Variants in ADGRG7 observed in about 807,000 individuals in gnomAD.
The protein encoded by ADGRG7 is G-protein coupled receptor 128.
ADGRG7 carries 82 observed loss-of-function variants against 88.6 expected under a neutral mutation model. The ratio of observed to expected loss-of-function variants is 0.93; its 90% CI spans 0.77 to 1.11. The LOEUF is 1.11. Ranked by LOEUF, ADGRG7 falls within the 50% of genes most tolerant of loss-of-function variation. ADGRG7 has a pLI of 0.00. For missense variants in ADGRG7, 945 were observed against 953.4 expected (o/e 0.99, Z 0.12); for synonymous variants, 381 against 345.2 (o/e 1.10, Z -1.15).
chr3:100,622,843 C>T (rs1020964400), intron 1 of ADGRG7, among the ~76,000 whole-genome samples: 1 of 151,822 alleles, frequency 6.6e-6, no homozygotes, highest in African/African-American at 2.4e-5. Context: ...CTCACTGCAA[C>T]TTCTGCCTCC....
chr3:100,643,784 A>C (rs1192498442), intron 8 of ADGRG7, 151 bp downstream of exon 8: 6 of 588,732 alleles, frequency 1.0e-5, no homozygotes. Context: ...TATTATGGTA[A>C]TCTCAACTCT....
At chr3:100,624,259 C>A (rs1424793457) in intron 1 of ADGRG7, among the ~76,000 whole-genome samples, 4 of 152,146 alleles carry the variant, frequency 2.6e-5, no homozygotes, top group South Asian at 4.1e-4. Context: ...TATCTCTTTG[C>A]GGTTTTGATT....
intron 15 of ADGRG7, among the ~76,000 whole-genome samples, chr3:100,679,477 G>C (rs2094970067): frequency 6.6e-6 from 1 of 152,204 alleles, no homozygotes; most frequent in Non-Finnish European, 1.5e-5. Context: ...GCTGATTTTG[G>C]TTCTTATCTT....
chr3:100,665,359 G>A (rs961377404), intron 14 of ADGRG7: 14 of 540,598 alleles, frequency 2.6e-5, no homozygotes, highest in Non-Finnish European at 2.7e-5. Context: ...ACCACCAGGC[G>A]TTTATCCTTC....
intron 1 of ADGRG7, among the ~76,000 whole-genome samples, chr3:100,625,530 G>A (rs1051744859): frequency 6.6e-6 from 1 of 152,076 alleles, no homozygotes; most frequent in African/African-American, 2.4e-5. Flanking sequence ...TCTTTCTCTT[G>A]CCTGATTGCC....
chr3:100,680,695 T>C (rs1315010237), intron 15 of ADGRG7, among the ~76,000 whole-genome samples: 1 of 152,208 alleles, frequency 6.6e-6, no homozygotes, highest in Non-Finnish European at 1.5e-5. Flanking sequence ...AATATTTTAC[T>C]ACTTTCCAGT....
At chr3:100,653,239 A>C (rs2094932237) in intron 11 of ADGRG7, among the ~76,000 whole-genome samples, 2 of 152,260 alleles carry the variant, frequency 1.3e-5, no homozygotes, top group Admixed American at 6.5e-5. Flanking sequence ...CAAATTAAAA[A>C]TATTTTTACC....
At chr3:100,687,632 A>G (rs925070362) in intron 15 of ADGRG7, among the ~76,000 whole-genome samples, 16 of 152,186 alleles carry the variant, frequency 1.1e-4, no homozygotes, top group Non-Finnish European at 2.1e-4. Context: ...CTATTGAGAT[A>G]ATCATGTGGT....
At chr3:100,689,467 C>G (rs560969761) in intron 15 of ADGRG7, among the ~76,000 whole-genome samples, 13 of 152,278 alleles carry the variant, frequency 8.5e-5, no homozygotes, top group South Asian at 6.2e-4. Flanking sequence ...TTCTTCCTAG[C>G]CTCGATGGTC....
At chr3:100,614,976 T>C (rs1332192763) in intron 1 of ADGRG7, among the ~76,000 whole-genome samples, 1 of 152,212 alleles carries the variant, frequency 6.6e-6, no homozygotes, top group Non-Finnish European at 1.5e-5. Context: ...AAATTATTAT[T>C]ATCATACTGA....
intron 1 of ADGRG7, among the ~76,000 whole-genome samples, chr3:100,628,917 A>T (rs1245837727): frequency 1.3e-5 from 2 of 151,800 alleles, no homozygotes; most frequent in African/African-American, 4.8e-5. Flanking sequence ...TCCTTATGTT[A>T]CTCCTTTGTT....
At position 100,643,191 on chromosome 3, in the gene ADGRG7, T is replaced by C. The variant is rs189937466; in HGVS notation, c.699-75T>C. The C allele has an allele frequency of 3.2e-5, 40 of 1,259,360 alleles. No individual in the cohort carries two copies. In the African/African-American group the frequency reaches 4.8e-4, roughly 15 times the overall value. 78.0% of individuals were successfully genotyped at this position (1,259,360 alleles called of 1,614,324 possible). A position where few individuals can be genotyped will look rare whatever the true frequency, so the allele number is the denominator to read the frequency against. ...ATTCTATGCTCATGTCTTTCTGCTG[T>C]AGTGTAAGACAGAACACATACCTTT... On this transcript the variant is annotated intron_variant, in intron 6 of 15. Coordinates refer to ENST00000273352, the MANE Select transcript of ADGRG7 (RefSeq NM_032787.3).
At chr3:100,665,770 A>C (rs960453639) in intron 14 of ADGRG7, among the ~76,000 whole-genome samples, 3 of 152,362 alleles carry the variant, frequency 2.0e-5, no homozygotes, top group Non-Finnish European at 2.9e-5. Context: ...TATTTCCTTC[A>C]TACAAAAATT....
chr3:100,680,644 T>A (rs2094972024), intron 15 of ADGRG7, among the ~76,000 whole-genome samples: 1 of 152,158 alleles, frequency 6.6e-6, no homozygotes, highest in East Asian at 1.9e-4. Flanking sequence ...AATTTAGGGA[T>A]ACATTAAATT....
chr3:100,649,731 G>T lies in ADGRG7; in HGVS notation c.1303G>T (p.Asp435Tyr). 1 of 1,609,150 alleles carries T rather than the reference G, an allele frequency of 6.2e-7. No individual in the cohort carries two copies. The highest frequency in any genetic ancestry group is 1.1e-5 in the South Asian group (1 of 90,350). The stretch of plus-strand genomic sequence containing the variant: ...GGATTATCAATATCCCAAATCACTT[G>T]ACATATTATCCAACGTTGGATGTGC... ...KKDYQYPKSL[D>Y]ILSNVGCALS... Residue 435 changes from aspartate (D) to tyrosine (Y), a missense_variant, in exon 11 of 16, where the codon GAC (aspartate) becomes TAC (tyrosine). Asp to Tyr is a radical substitution (Grantham distance 160). Coordinates refer to ENST00000273352, the MANE Select transcript of ADGRG7 (RefSeq NM_032787.3).
chr3:100,693,356 ATGACCAC>A (rs2094996942), intron 15 of ADGRG7, among the ~76,000 whole-genome samples: 1 of 152,214 alleles, frequency 6.6e-6, no homozygotes, highest in Non-Finnish European at 1.5e-5. Context: ...AGGATGGCCA[ATGACCAC>A]TCCTGTCCTT....
intron 15 of ADGRG7, among the ~76,000 whole-genome samples, chr3:100,687,885 G>A (rs2094985797): frequency 6.6e-6 from 1 of 152,180 alleles, no homozygotes; most frequent in Non-Finnish European, 1.5e-5. Context: ...GATGATGCTG[G>A]TCTCATAAAA....
At chr3:100,685,529 C>T (rs965232341) in intron 15 of ADGRG7, among the ~76,000 whole-genome samples, 3 of 152,098 alleles carry the variant, frequency 2.0e-5, no homozygotes, top group Non-Finnish European at 2.9e-5. Flanking sequence ...TTCCCCTCCC[C>T]GCACCCCACA....
intron 15 of ADGRG7, among the ~76,000 whole-genome samples, chr3:100,691,021 G>T (rs1452259935): frequency 6.6e-6 from 1 of 152,254 alleles, no homozygotes; most frequent in East Asian, 1.9e-4. Context: ...CCTAGTTCGA[G>T]CTTCCCGGTG....
Sources: allele counts gnomAD v4.1 joint callset (sites outside exome capture counted in the v4.1 genomes callset), GRCh38; gene constraint gnomAD v4.1.1; transcripts MANE v1.5; gene names NCBI Gene and HGNC (gene_info 2026-07-23, HGNC 2026-07-21).